The following TTC21B variants were observed in gnomAD, a reference collection of about 807,000 sequenced individuals.
TTC21B encodes tetratricopeptide repeat protein 21B.
TTC21B carries 127 observed loss-of-function variants against 175.1 expected under a neutral mutation model. The ratio of observed to expected loss-of-function variants is 0.73; its 90% confidence interval spans 0.63 to 0.84. The LOEUF (loss-of-function observed/expected upper bound fraction) is 0.84, where lower values mean the gene tolerates loss of function less well. TTC21B is among the 40% of genes least tolerant of loss of function. The pLI is 0.00. For synonymous variants in TTC21B, 524 were observed against 524.5 expected, an observed-to-expected ratio of 1.00 and a Z score of 0.01; for missense variants, 1,561 against 1,558.3, an observed-to-expected ratio of 1.00 and a Z score of -0.03.
At chr2:165,925,865 C>T (rs1686607429) in intron 11 of TTC21B, among the ~76,000 whole-genome samples, 1 of 151,890 alleles carries the variant, frequency 6.6e-6, no homozygotes, top group Non-Finnish European at 1.5e-5. Context: ...TTTTTTCAGC[C>T]TAAGTAAAAA....
intron 26 of TTC21B, among the ~76,000 whole-genome samples, chr2:165,882,447 T>C (rs1684868526): frequency 6.6e-6 from 1 of 152,198 alleles, no homozygotes; most frequent in Admixed American, 6.5e-5. Flanking sequence ...TGTATTTCAA[T>C]ATATTGCAGT....
At chr2:165,937,193 T>A (rs1039863936) in intron 6 of TTC21B, among the ~76,000 whole-genome samples, 1 of 152,116 alleles carries the variant, frequency 6.6e-6, no homozygotes, top group Non-Finnish European at 1.5e-5. Flanking sequence ...CTGAAAAGGC[T>A]ACATATTGTA....
At position 165,924,639 on chromosome 2, in the gene TTC21B, G is replaced by C. The variant is rs756531554; in HGVS notation, c.1426C>G (p.Arg476Gly). The change falls in exon 12 of 29, where the codon CGT becomes GGT. Residue 476 changes from arginine to glycine, a missense_variant. Arg to Gly is a moderately radical substitution (Grantham distance 125, BLOSUM62 -2). Coordinates refer to ENST00000243344, the MANE Select transcript of TTC21B (RefSeq NM_024753.5). Reference sequence around the variant, plus strand: ...ACAGTCTCCAGGACTGAGATGCAACGCCTGAGAAGTGGACAAAGAGGTTGC... The same window carrying C: ...ACAGTCTCCAGGACTGAGATGCAACCCCTGAGAAGTGGACAAAGAGGTTGC... Reference protein sequence around the residue: ...PGQPLCPLLRRCISVLETVVR... With the variant: ...PGQPLCPLLRGCISVLETVVR... The C allele has an allele frequency of 6.2e-7, 1 of 1,613,700 alleles. No homozygotes were observed. Among genetic ancestry groups the C allele is most frequent in the South Asian group, 1.1e-5 (1 of 91,056 alleles).
chr2:165,874,853 C>G (rs775107925), intron 28 of TTC21B, 21 bp from the exon 29 acceptor site: 1 of 1,609,180 alleles, frequency 6.2e-7, no homozygotes, highest in South Asian at 1.1e-5. Context: ...AATAAAGAAC[C>G]CATAAAAACT....
chr2:165,945,532 T>C lies in TTC21B; in HGVS notation c.421A>G (p.Ser141Gly). The change falls in exon 4 of 29, where the codon AGT (serine) becomes GGT (glycine). Residue 141 changes from serine to glycine, a missense_variant. Ser to Gly is a moderately conservative substitution (Grantham distance 56). Coordinates refer to ENST00000243344, the MANE Select transcript of TTC21B (RefSeq NM_024753.5). ...IDRMIKISDGSKQGHVLKAWL... is the reference protein window; with the variant it reads ...IDRMIKISDGGKQGHVLKAWL... The stretch of plus-strand genomic sequence containing the variant: ...CTCAGAAAAATAGCTACCTGTTTAC[T>C]ACCATCTGATATTTTGATCATTCTG... 1 of 1,613,346 alleles carries C rather than the reference T, an allele frequency of 6.2e-7. No homozygotes were observed. The highest frequency in any genetic ancestry group is 8.5e-7 in the Non-Finnish European group (1 of 1,179,818).
chr2:165,908,571 A>G (rs1399264707), intron 18 of TTC21B, among the ~76,000 whole-genome samples: 1 of 152,140 alleles, frequency 6.6e-6, no homozygotes, highest in African/African-American at 2.4e-5. Flanking sequence ...CACTTTACCA[A>G]CTAGGTAGTC....
At chr2:165,944,861 C>T (rs1687494439) in intron 4 of TTC21B, among the ~76,000 whole-genome samples, 2 of 152,148 alleles carry the variant, frequency 1.3e-5, no homozygotes, top group Non-Finnish European at 2.9e-5. Context: ...TTCCCATAAT[C>T]TTTGCCTGTT....
chr2:165,920,161 C>T (rs1686333880), intron 12 of TTC21B, among the ~76,000 whole-genome samples: 1 of 152,144 alleles, frequency 6.6e-6, no homozygotes, highest in Non-Finnish European at 1.5e-5. Context: ...CTGATCTGCA[C>T]TTAAGTCACC....
At chr2:165,953,184 T>G (rs1315356811) in intron 1 of TTC21B, among the ~76,000 whole-genome samples, 1 of 152,210 alleles carries the variant, frequency 6.6e-6, no homozygotes, top group African/African-American at 2.4e-5. Flanking sequence ...TTGACCGTCA[T>G]TAATATTTGC....
chr2:165,919,162 C>T, intron 13 of TTC21B, 114 bp downstream of exon 13: 99 of 1,216,316 alleles, frequency 8.1e-5, no homozygotes, highest in Admixed American at 4.8e-4. Context: ...ATTTTTTTTT[C>T]CATTAAAAAT....
At chr2:165,915,158 G>A (rs374592378) in intron 15 of TTC21B, 43 bp downstream of exon 15, 5 of 1,510,998 alleles carry the variant, frequency 3.3e-6, no homozygotes, top group Non-Finnish European at 4.6e-6. Context: ...TAATACTAGT[G>A]GCTAAATGTA....
At position 165,931,776 on chromosome 2, in the gene TTC21B, T is replaced by C. The variant is rs185247361; in HGVS notation, c.876A>G (p.Thr292=). The change falls in exon 8 of 29, where the codon ACA becomes ACG. Residue 292 remains threonine (T), a synonymous_variant. Transcript: ENST00000243344. ...PQNAQLFYNI[T]LAFSRTCGRS... Reference sequence around the variant, plus strand: ...CTCTCACAGTTCTGCTGAAGGCGAGTGTAATGTTATAGAAAAGTTGAGCAT... The same window carrying C: ...CTCTCACAGTTCTGCTGAAGGCGAGCGTAATGTTATAGAAAAGTTGAGCAT... 168 of 1,613,396 alleles carry C rather than the reference T, an allele frequency of 1.0e-4. 2 individuals are homozygous for C. In the East Asian group the frequency reaches 3.4e-3, roughly 33 times the overall value.
At chr2:165,920,739 A>ATTTT (rs1686358599) in intron 12 of TTC21B, among the ~76,000 whole-genome samples, 1 of 152,128 alleles carries the variant, frequency 6.6e-6, no homozygotes, top group Non-Finnish European at 1.5e-5. Flanking sequence ...TATGTAGGGT[A>ATTTT]GGATACTAAA....
intron 6 of TTC21B, among the ~76,000 whole-genome samples, chr2:165,937,771 CCACACACACACACACACACACACACA>C (rs4001021): frequency 7.8e-5 from 10 of 127,634 alleles, no homozygotes; most frequent in South Asian, 3.0e-4. Flanking sequence ...TATATAGAAA[CCACACACACACACACACACACACACA>C]CACACACACA....
intron 1 of TTC21B, among the ~76,000 whole-genome samples, chr2:165,950,905 T>C (rs1314438398): frequency 2.0e-5 from 3 of 152,112 alleles, no homozygotes; most frequent in African/African-American, 7.2e-5. Context: ...ACCACGCCCG[T>C]CCGACAGCTC....
intron 6 of TTC21B, among the ~76,000 whole-genome samples, chr2:165,936,122 G>A (rs1687130724): frequency 6.6e-6 from 1 of 152,048 alleles, no homozygotes; most frequent in Non-Finnish European, 1.5e-5. Context: ...GAACAAACAG[G>A]TCAATGGAAC....
At chr2:165,891,451 A>T (rs1345183673) in intron 22 of TTC21B, among the ~76,000 whole-genome samples, 1 of 152,076 alleles carries the variant, frequency 6.6e-6, no homozygotes, top group Non-Finnish European at 1.5e-5. Flanking sequence ...ACAATAAGAA[A>T]TTTTTCTCCA....
chr2:165,912,168 C>A (rs1685974435), intron 17 of TTC21B, among the ~76,000 whole-genome samples: 1 of 151,984 alleles, frequency 6.6e-6, no homozygotes, highest in Non-Finnish European at 1.5e-5. Flanking sequence ...AAAAAATGAA[C>A]TCAAAACACA....
intron 19 of TTC21B, among the ~76,000 whole-genome samples, chr2:165,905,926 A>G (rs1685713828): frequency 6.6e-6 from 1 of 152,224 alleles, no homozygotes; most frequent in African/African-American, 2.4e-5. Flanking sequence ...AAAACTGATT[A>G]TAATGTAGGA....
Sources: gnomAD v4.1 joint callset for allele counts (sites outside exome capture counted in the v4.1 genomes callset) on GRCh38, gnomAD v4.1.1 for gene constraint, MANE v1.5 for transcripts, NCBI Gene and HGNC (gene_info 2026-07-23, HGNC 2026-07-21) for gene names.